Variants in E2F8 observed in about 807,000 individuals in gnomAD.
The protein encoded by E2F8 is E2F transcription factor 8.
A neutral mutation model predicts 80.8 loss-of-function variants in E2F8; 35 were observed. The ratio of observed to expected loss-of-function variants is 0.43; its 90% CI spans 0.33 to 0.57. The LOEUF (loss-of-function observed/expected upper bound fraction) is 0.57. Ranked by LOEUF, E2F8 falls within the 20% of genes least tolerant of loss-of-function variation. The pLI is 0.04. For missense variants in E2F8, 975 were observed against 1,056.2 expected (o/e 0.92, Z 1.07); for synonymous variants, 386 against 395.0 (o/e 0.98, Z 0.27).
chr11:19,228,393 G>A (rs1231969849), intron 10 of E2F8, among the ~76,000 whole-genome samples: 2 of 152,170 alleles, frequency 1.3e-5, no homozygotes, highest in African/African-American at 2.4e-5. Context: ...TAATAACAAC[G>A]TAACAGATAA....
chr11:19,229,990 TG>T lies in E2F8; in HGVS notation c.1359-3del. On this transcript the variant is annotated splice_region_variant and splice_polypyrimidine_tract_variant and intron_variant, in intron 9 of 12. Transcript: ENST00000250024. This position sits in a 1 kb window ranked among gnomAD's most constrained non-coding sequence, Gnocchi z 4.3. Reference sequence around the variant, plus strand: ...ACTTTCACTTTCTGTCTGGATTCACTGAAAGACAAGATTTAATACACGACAT... The same window carrying T: ...ACTTTCACTTTCTGTCTGGATTCACTAAAGACAAGATTTAATACACGACAT... 6.2e-7 allele frequency: 1 copy of T among 1,613,162 alleles called. No individual in the cohort carries two copies. The highest frequency in any genetic ancestry group is 8.5e-7 in the Non-Finnish European group (1 of 1,179,890).
In E2F8 at chr11:19,237,333, G is replaced by A. The variant is rs562384299; in HGVS notation, c.432C>T (p.Asp144=). 8.0e-5 allele frequency: 129 copies of A among 1,614,060 alleles called. 1 individual carries two copies. In the South Asian group the frequency reaches 8.9e-4, roughly 11 times the overall value. ...ACTTACTAAGTTCCTCTGCCACTTC[G>A]TCAAGGCAGATGTCATTATTCACAG... ...NPAVNNDICL[D]EVAEELNVER... is the part of the protein sequence containing the mutation. Residue 144 remains aspartate, a synonymous_variant, in exon 4 of 13, where the codon GAC becomes GAT. Coordinates refer to ENST00000250024, the MANE Select transcript of E2F8 (RefSeq NM_024680.4).
At chr11:19,227,565 T>A (rs1851267884) in intron 10 of E2F8, among the ~76,000 whole-genome samples, 1 of 152,224 alleles carries the variant, frequency 6.6e-6, no homozygotes, top group Non-Finnish European at 1.5e-5. Context: ...GCCGAATGAA[T>A]CTGACATATT....
At position 19,230,812 on chromosome 11, in the gene E2F8, A is replaced by T; in HGVS notation, c.1089T>A (p.Phe363Leu). The stretch of plus-strand genomic sequence containing the variant: ...GTCTCACCTCCAAATCAGAGGGAGT[A>T]AAATGAATGACTGGGCTGGAGCCTG... ...NTSGSSPVIH[F>L]TPSDLEVRRS... The change falls in exon 8 of 13, where the codon TTT (phenylalanine) becomes TTA (leucine). Residue 363 changes from phenylalanine (F) to leucine (L), a missense_variant. Phe to Leu is a conservative substitution (Grantham distance 22). Transcript: ENST00000250024. 6.2e-7 allele frequency: 1 copy of T among 1,614,184 alleles called. No homozygotes were observed. The highest frequency in any genetic ancestry group is 8.5e-7 in the Non-Finnish European group (1 of 1,180,006).
chr11:19,235,498 A>C (rs1191121926), intron 4 of E2F8, among the ~76,000 whole-genome samples: 1 of 152,136 alleles, frequency 6.6e-6, no homozygotes, highest in Non-Finnish European at 1.5e-5. Context: ...AATACAAAAA[A>C]ATTAGCCGGG....
chr11:19,232,925 T>C (rs1851418550), intron 6 of E2F8, among the ~76,000 whole-genome samples: 1 of 152,196 alleles, frequency 6.6e-6, no homozygotes, highest in Admixed American at 6.5e-5. Context: ...AGAGTTTTGT[T>C]ACAAAAAGTC....
At position 19,225,239 on chromosome 11, in the gene E2F8, A is replaced by T; in HGVS notation, c.2403T>A (p.Ala801=). 1 of 1,613,640 alleles carries T rather than the reference A, an allele frequency of 6.2e-7. No individual in the cohort carries two copies. Among genetic ancestry groups the T allele is most frequent in the South Asian group, 1.1e-5 (1 of 91,048 alleles). The change falls in exon 12 of 13, where the codon GCT becomes GCA. Residue 801 remains alanine, a synonymous_variant. Coordinates refer to ENST00000250024, the MANE Select transcript of E2F8 (RefSeq NM_024680.4). ...CTCTCACCTGTTGTGCCCCTGTCAC[A>T]GCAACTGATTGTCCATTTGGCTGGC... ...GQSQPNGQSV[A]VTGAQQPVPV...
At chr11:19,225,141 C>G in intron 12 of E2F8, 80 bp downstream of exon 12, 1 of 1,526,306 alleles carries the variant, frequency 6.6e-7, no homozygotes, top group South Asian at 1.3e-5. Flanking sequence ...AGAGGAAAAG[C>G]AAAAGCCAAT....
chr11:19,230,401 G>T (rs1446491580), intron 8 of E2F8, 73 bp from the exon 9 acceptor site: 4 of 1,449,172 alleles, frequency 2.8e-6, no homozygotes, highest in Non-Finnish European at 2.8e-6. Flanking sequence ...AAACCTCACT[G>T]AAGTCAGAGG....
chr11:19,234,300 C>A (rs185583335), intron 6 of E2F8, 60 bp downstream of exon 6: 3 of 1,576,860 alleles, frequency 1.9e-6, no homozygotes, highest in Admixed American at 3.6e-5. Context: ...AATGAGTTTA[C>A]GACTGAGATT....
intron 10 of E2F8, 82 bp from the exon 11 acceptor site, chr11:19,225,946 C>T (rs1851226276): frequency 6.6e-7 from 1 of 1,508,170 alleles, no homozygotes; most frequent in Non-Finnish European, 8.9e-7. Context: ...GGACTAATAT[C>T]CCTTGGTGGT....
At position 19,240,853 on chromosome 11, in the gene E2F8, C is replaced by G. The variant is rs919489486; in HGVS notation, c.-415G>C. On this transcript the variant is annotated 5_prime_UTR_variant, in exon 1 of 13. Transcript: ENST00000250024. ...ACTATTTACTCCCTGTTCGGGTGGC[C>G]AGTTCACACCACGGCGTTAGACTCC... 1 of 152,254 alleles carries G rather than the reference C, an allele frequency of 6.6e-6. No homozygotes were observed. The highest frequency in any genetic ancestry group is 2.4e-5 in the African/African-American group (1 of 41,450). The allele number at this position is 152,254 out of a possible 1,614,324, so 9.4% of individuals were successfully genotyped here. A position where few individuals can be genotyped will look rare whatever the true frequency, so the allele number is the denominator to read the frequency against.
chr11:19,239,133 G>T (rs1017400694), intron 2 of E2F8, among the ~76,000 whole-genome samples: 1 of 152,194 alleles, frequency 6.6e-6, no homozygotes, highest in Non-Finnish European at 1.5e-5. Flanking sequence ...ATGGACAAAT[G>T]GGACATGTTG....
Position 19,240,823 on chromosome 11 carries a change from A to C in E2F8, c.-385T>G, listed in dbSNP as rs1851640942. 6.6e-6 allele frequency: 1 copy of C among 152,222 alleles called. No individual in the cohort carries two copies. The highest frequency in any genetic ancestry group is 6.5e-5 in the Admixed American group (1 of 15,282). 9.4% of individuals were successfully genotyped at this position (152,222 alleles called of 1,614,324 possible). A position where few individuals can be genotyped will look rare whatever the true frequency, so the allele number is the denominator to read the frequency against. ...TAAAAAAGGGCTTCCTTAAAGATAC[A>C]AAGCACTATTTACTCCCTGTTCGGG... On this transcript the variant is annotated 5_prime_UTR_variant, in exon 1 of 13. Coordinates refer to ENST00000250024, the MANE Select transcript of E2F8 (RefSeq NM_024680.4).
In E2F8 at chr11:19,224,606, T is replaced by C. The variant is rs975506356; in HGVS notation, c.*52A>G. The C allele has an allele frequency of 6.3e-7, 1 of 1,581,354 alleles. No individual in the cohort carries two copies. The highest frequency in any genetic ancestry group is 1.7e-5 in the Admixed American group (1 of 58,776). On this transcript the variant is annotated 3_prime_UTR_variant, in exon 13 of 13. Transcript: ENST00000250024. Reference sequence around the variant, plus strand: ...GTTCTCCAAATCAGTCTGTGTACATTTTCTCTATTAAACAACTCTTTAGAA... The same window carrying C: ...GTTCTCCAAATCAGTCTGTGTACATCTTCTCTATTAAACAACTCTTTAGAA...
At chr11:19,241,259 C>T (rs986586082), upstream of E2F8, 4 of 153,528 alleles carry the variant, frequency 2.6e-5, no homozygotes, top group African/African-American at 9.6e-5. This position sits in a 1 kb window ranked among gnomAD's most constrained non-coding sequence, Gnocchi z 4.5. Context: ...TCGCCCCCGC[C>T]CCTCTGCGCG....
chr11:19,232,410 G>T, intron 6 of E2F8, 39 bp from the exon 7 acceptor site: 1 of 1,548,870 alleles, frequency 6.5e-7, no homozygotes, highest in South Asian at 1.2e-5. Flanking sequence ...ATGGAATAAT[G>T]AAAAGATCAA....
At chr11:19,225,954 G>A (rs754065693) in intron 10 of E2F8, 90 bp from the exon 11 acceptor site, 48 of 1,485,352 alleles carry the variant, frequency 3.2e-5, no homozygotes, top group Non-Finnish European at 4.3e-5. Flanking sequence ...ATCCCTTGGT[G>A]GTTGCCTCAT....
intron 5 of E2F8, 21 bp downstream of exon 5, chr11:19,234,723 G>C (rs1442676819): frequency 1.3e-6 from 2 of 1,593,972 alleles, no homozygotes; most frequent in Non-Finnish European, 1.7e-6. Flanking sequence ...GCCGCCTGGA[G>C]TTTTCACTAC....
Sources: allele counts gnomAD v4.1 joint callset (sites outside exome capture counted in the v4.1 genomes callset), GRCh38; gene constraint gnomAD v4.1.1; non-coding constraint Gnocchi (gnomAD v3.1); transcripts MANE v1.5; gene names NCBI Gene and HGNC (gene_info 2026-07-23, HGNC 2026-07-21).